The following SLC44A4 variants were observed in gnomAD, a reference collection of about 807,000 sequenced individuals.
SLC44A4 encodes the protein choline transporter-like protein 4.
Under a neutral mutation model 97.0 loss-of-function variants are expected in SLC44A4, and 74 were observed. The observed-to-expected ratio is 0.76, with a 90% CI of 0.63 to 0.93. The LOEUF is 0.93. Among genes scored for constraint, SLC44A4 ranks in the 40% least tolerant of loss-of-function variants. SLC44A4 has a pLI of 0.00. For synonymous variants in SLC44A4, 325 were observed against 363.8 expected (o/e 0.89, Z 1.21); for missense variants, 799 against 902.9 (o/e 0.88, Z 1.48).
At position 31,865,728 on chromosome 6, in the gene SLC44A4, G is replaced by A. The variant is rs1762823536; in HGVS notation, c.1544C>T (p.Ala515Val). The A allele has an allele frequency of 6.2e-7, 1 of 1,613,430 alleles. No individual in the cohort carries two copies. The highest frequency in any genetic ancestry group is 8.5e-7 in the Non-Finnish European group (1 of 1,179,972). Residue 515 changes from alanine to valine, a missense_variant, in exon 15 of 21, where the codon GCC (alanine) becomes GTC (valine). This residue lies in a region of SLC44A4 where 379 missense variants were observed against 438.3 expected (regional missense o/e 0.86). Transcript: ENST00000229729. The surrounding 1 kb of genome is among the most constrained non-coding windows in gnomAD (Gnocchi z 5.2). ...GTCAATATACTCCAAGATGACCCGG[G>A]CTATCTGCACAAGGGTCAGGATGAG... ...GALILTLVQI[A>V]RVILEYIDHK...
At chr6:31,867,172 C>T (rs748747142) in intron 13 of SLC44A4, among the ~76,000 whole-genome samples, 8 of 152,016 alleles carry the variant, frequency 5.3e-5, no homozygotes, top group Non-Finnish European at 1.0e-4. Context: ...CTCTGCCTCC[C>T]GTGTTCAAGC....
chr6:31,875,788 G>T (rs936644212), intron 4 of SLC44A4, 64 bp downstream of exon 4: 79 of 1,423,110 alleles, frequency 5.6e-5, no homozygotes, highest in Non-Finnish European at 7.3e-5. Flanking sequence ...TGAGTTGGGG[G>T]GGTGTCTCCT....
intron 13 of SLC44A4, 125 bp downstream of exon 13, chr6:31,869,030 G>T: frequency 1.4e-6 from 1 of 704,788 alleles, no homozygotes; most frequent in Non-Finnish European, 2.3e-6. Flanking sequence ...TGGGGGTTGA[G>T]TGTGTGACCT....
chr6:31,873,234 G>A (rs979849917), intron 7 of SLC44A4, among the ~76,000 whole-genome samples: 5 of 151,836 alleles, frequency 3.3e-5, no homozygotes, highest in African/African-American at 9.7e-5. Flanking sequence ...ACAGTGGCAC[G>A]ATCTTGGCTC....
intron 7 of SLC44A4, among the ~76,000 whole-genome samples, chr6:31,871,880 C>T (rs1332136390): frequency 6.6e-6 from 1 of 152,140 alleles, no homozygotes; most frequent in Non-Finnish European, 1.5e-5. Flanking sequence ...GACTTCATCA[C>T]TCCAGGGTTC....
At position 31,874,377 on chromosome 6, in the gene SLC44A4, C is replaced by G; in HGVS notation, c.529+83G>C. ...GCCACCAACAAGCTATGTGACTTCA[C>G]TCTCTCTGGGCCTGATTTCTTCATT... On this transcript the variant is annotated intron_variant, in intron 7 of 20. Coordinates refer to ENST00000229729, the MANE Select transcript of SLC44A4 (RefSeq NM_025257.3). This position sits in a 1 kb window ranked among gnomAD's most constrained non-coding sequence, Gnocchi z 4.8. The G allele has an allele frequency of 9.8e-4, 1,308 of 1,335,338 alleles. No homozygotes were observed. The highest frequency in any genetic ancestry group is 1.3e-3 in the Non-Finnish European group (1,180 of 934,180). 82.7% of individuals were successfully genotyped at this position (1,335,338 alleles called of 1,614,324 possible).
rs774949411 is a variant in SLC44A4 at position 31,864,644 on chromosome 6, T to C, written c.2011+8A>G. 6.2e-7 allele frequency: 1 copy of C among 1,612,144 alleles called. No homozygotes were observed. The highest frequency in any genetic ancestry group is 8.5e-7 in the Non-Finnish European group (1 of 1,179,554). On this transcript the variant is annotated splice_region_variant and intron_variant, in intron 20 of 20. Transcript: ENST00000229729. ...GGTTGGGGACAGGTGGCTGGGGGTG[T>C]CACTCACGGAAGCAGAGGAAGAGCG...
chr6:31,869,901 C>T (rs374378459), intron 11 of SLC44A4, among the ~76,000 whole-genome samples: 7 of 151,404 alleles, frequency 4.6e-5, no homozygotes, highest in Non-Finnish European at 8.8e-5. Flanking sequence ...AGGAGAATGG[C>T]GTGAACCCGG....
chr6:31,877,090 A>C lies in SLC44A4; in HGVS notation c.41-8T>G. 1 of 1,609,102 alleles carries C rather than the reference A, an allele frequency of 6.2e-7. No individual in the cohort carries two copies. ...CGTATTTGACTGGCTTCCCTGAGGG[A>C]CATGAGAAGAGGTGTGGAGGATGAG... On this transcript the variant is annotated splice_polypyrimidine_tract_variant and splice_region_variant and intron_variant, in intron 1 of 20. Transcript: ENST00000229729. This position sits in a 1 kb window ranked among gnomAD's most constrained non-coding sequence, Gnocchi z 6.5.
In SLC44A4 at chr6:31,878,977, C is replaced by A. The variant is rs753924619; in HGVS notation, c.4G>T (p.Gly2Trp). 1 of 1,613,726 alleles carries A rather than the reference C, an allele frequency of 6.2e-7. No homozygotes were observed. Among genetic ancestry groups the A allele is most frequent in the East Asian group, 2.2e-5 (1 of 44,882 alleles). ...TCATCCTCGTCCCGCTGCTTTCCCC[C>A]CATGGCTCAGTCTCCGGAGTGATTG... M[G>W]GKQRDEDDEA... The change falls in exon 1 of 21, where the codon GGG becomes TGG. Residue 2 changes from glycine (G) to tryptophan (W), a missense_variant. Gly to Trp is a radical substitution (Grantham distance 184). This residue lies in a region of SLC44A4 where 409 missense variants were observed against 434.1 expected (regional missense o/e 0.94). Coordinates refer to ENST00000229729, the MANE Select transcript of SLC44A4 (RefSeq NM_025257.3). The surrounding 1 kb of genome is among the most constrained non-coding windows in gnomAD (Gnocchi z 4.0).
rs1204501036 is a variant in SLC44A4 at position 31,878,670 on chromosome 6, C to A, written c.40+271G>T. On this transcript the variant is annotated intron_variant, in intron 1 of 20. Transcript: ENST00000229729. The surrounding 1 kb of genome is among the most constrained non-coding windows in gnomAD (Gnocchi z 4.0). Reference sequence around the variant, plus strand: ...GGACCCAGAGTCCAGGCCTGAAATACCCCCCTCCTCCCAAGGACCTCAGCC... The same window carrying A: ...GGACCCAGAGTCCAGGCCTGAAATAACCCCCTCCTCCCAAGGACCTCAGCC... 1.1e-4 allele frequency among the ~76,000 whole-genome samples: 17 copies of A among 151,774 alleles called. No homozygotes were observed. Among genetic ancestry groups the A allele is most frequent in the Non-Finnish European group, 2.4e-4 (16 of 67,970 alleles).
Position 31,863,577 on chromosome 6 carries a change from A to G in SLC44A4, c.*50T>C. The G allele has an allele frequency of 6.4e-7, 1 of 1,557,754 alleles. No homozygotes were observed. Among genetic ancestry groups the G allele is most frequent in the East Asian group, 2.3e-5 (1 of 42,630 alleles). On this transcript the variant is annotated 3_prime_UTR_variant, in exon 21 of 21. Transcript: ENST00000229729. ...GACCTGTAAGGCGAAGTGAGGTTGGATGGCTGGACGGTGGGGGTGGGGTGC... is the reference window on the plus strand; with the variant it reads ...GACCTGTAAGGCGAAGTGAGGTTGGGTGGCTGGACGGTGGGGGTGGGGTGC...
Position 31,875,893 on chromosome 6 carries a change from G to C in SLC44A4, c.201C>G (p.Pro67=). The C allele has an allele frequency of 1.2e-6, 2 of 1,613,534 alleles. No individual in the cohort carries two copies. The highest frequency in any genetic ancestry group is 1.7e-6 in the Non-Finnish European group (2 of 1,179,830). ...CACAGTAGGCCCCAGTAGAGTTCCT[G>C]GGGTAGAGGACTTGCCGGGGGTCTC... is the stretch of plus-strand genomic sequence containing the variant. The part of the protein sequence containing the change: ...LYGDPRQVLY[P]RNSTGAYCGM... The change falls in exon 4 of 21, where the codon CCC becomes CCG. Residue 67 remains proline, a synonymous_variant. Transcript: ENST00000229729.
Position 31,869,566 on chromosome 6 carries a change from G to A in SLC44A4, c.1109C>T (p.Ala370Val). ...ATACAGAGCAGTCATGGCCCAGTAG[G>A]CAATGCAGATGAGGAGGAGGACAAA... is the stretch of plus-strand genomic sequence containing the variant. ...VTFVLLLICIAYWAMTALYLA... is the reference protein window; with the variant it reads ...VTFVLLLICIVYWAMTALYLA... Residue 370 changes from alanine (A) to valine (V), a missense_variant, in exon 12 of 21, where the codon GCC (alanine) becomes GTC (valine). By Grantham distance (64) the Ala-to-Val change is moderately conservative. Around this residue, in one of 3 missense-constraint regions of SLC44A4, gnomAD observed 379 missense variants for 438.3 expected, o/e 0.86. Coordinates refer to ENST00000229729, the MANE Select transcript of SLC44A4 (RefSeq NM_025257.3). 3.1e-6 allele frequency: 5 copies of A among 1,605,324 alleles called. No individual in the cohort carries two copies. Among genetic ancestry groups the A allele is most frequent in the Non-Finnish European group, 4.2e-6 (5 of 1,176,620 alleles).
At chr6:31,870,770 T>C (rs978518700) in intron 10 of SLC44A4, 42 bp downstream of exon 10, 5 of 1,610,964 alleles carry the variant, frequency 3.1e-6, no homozygotes, top group Non-Finnish European at 3.4e-6. Flanking sequence ...CCCAGGGCGG[T>C]CCTTGGGCAG....
Position 31,870,860 on chromosome 6 carries a change from T to C in SLC44A4, c.889A>G (p.Thr297Ala). ...GASISQLGFT[T>A]NLSAYQSVQE... ...ACGCTCTGGTAGGCACTGAGGTTGG[T>C]GGTGAAACCCAGCTGGGAGATGGAG... Residue 297 changes from threonine to alanine, a missense_variant, in exon 10 of 21, where the codon ACC becomes GCC. Around this residue, in one of 3 missense-constraint regions of SLC44A4, gnomAD observed 409 missense variants for 434.1 expected, o/e 0.94. Transcript: ENST00000229729. The C allele has an allele frequency of 6.2e-7, 1 of 1,613,034 alleles. No individual in the cohort carries two copies. Among genetic ancestry groups the C allele is most frequent in the South Asian group, 1.1e-5 (1 of 91,080 alleles).
Position 31,875,746 on chromosome 6 carries a change from G to A in SLC44A4, c.242+106C>T, listed in dbSNP as rs13192107. ...AGGTGGGGTGGGGACAGCAGGGAAA[G>A]GCTGTGGAAGAGCACGGACAGGTCT... On this transcript the variant is annotated intron_variant, in intron 4 of 20. Coordinates refer to ENST00000229729, the MANE Select transcript of SLC44A4 (RefSeq NM_025257.3). The A allele has an allele frequency of 4.0e-6, 4 of 1,010,510 alleles. 1 individual carries two copies. The South Asian group carries it at 6.1e-5, about 16-fold the overall frequency. The allele number at this position is 1,010,510 out of a possible 1,614,324, so 62.6% of individuals were successfully genotyped here.
intron 20 of SLC44A4, among the ~76,000 whole-genome samples, chr6:31,864,191 C>A (rs745831125): frequency 1.3e-5 from 2 of 152,124 alleles, no homozygotes; most frequent in Non-Finnish European, 2.9e-5. Context: ...TCTCCTGCTT[C>A]AGCCTCCCAA....
At position 31,864,727 on chromosome 6, in the gene SLC44A4, G is replaced by C; in HGVS notation, c.1936C>G (p.Leu646Val). ...CCGCTGGCGATGACATAGGCCCCCAGGATGGAGGTCTGGAAGACATGACCC... is the reference window on the plus strand; with the variant it reads ...CCGCTGGCGATGACATAGGCCCCCACGATGGAGGTCTGGAAGACATGACCC... ...YYWLPIMTSILGAYVIASGFF... is the reference protein window; with the variant it reads ...YYWLPIMTSIVGAYVIASGFF... Residue 646 changes from leucine to valine, a missense_variant, in exon 20 of 21, where the codon CTG becomes GTG. Leu to Val is a conservative substitution (Grantham distance 32, BLOSUM62 1). This residue lies in a region of SLC44A4 where 379 missense variants were observed against 438.3 expected (regional missense o/e 0.86). Transcript: ENST00000229729. 1 of 1,614,102 alleles carries C rather than the reference G, an allele frequency of 6.2e-7. No homozygotes were observed. Among genetic ancestry groups the C allele is most frequent in the Non-Finnish European group, 8.5e-7 (1 of 1,180,012 alleles).
Sources: gnomAD v4.1 joint callset for allele counts (sites outside exome capture counted in the v4.1 genomes callset) on GRCh38, gnomAD v4.1.1 for gene constraint, gnomAD v4.1.1 regional missense constraint, Gnocchi (gnomAD v3.1) non-coding constraint, MANE v1.5 for transcripts, NCBI Gene and HGNC (gene_info 2026-07-23, HGNC 2026-07-21) for gene names.